The following PIK3C2G variants were observed in gnomAD, a reference collection of about 807,000 sequenced individuals.
PIK3C2G encodes the protein phosphatidylinositol-4-phosphate 3-kinase catalytic subunit type 2 gamma, also known as phosphatidylinositol 3-kinase C2 domain-containing subunit gamma.
In PIK3C2G, 168 loss-of-function variants were observed where a neutral mutation model predicts 181.1. The ratio of observed to expected loss-of-function variants is 0.93; its 90% CI spans 0.82 to 1.05. PIK3C2G has a LOEUF of 1.05. Among genes scored for constraint, PIK3C2G ranks in the 50% least tolerant of loss-of-function variants. The probability of loss-of-function intolerance (pLI) is 0.00; values close to 1 mark genes in which losing one functional copy is unlikely to be tolerated. For missense variants in PIK3C2G, 1,869 were observed against 1,732.8 expected (o/e 1.08, Z -1.40); for synonymous variants, 573 against 592.2 (o/e 0.97, Z 0.47).
chr12:18,713,292 T>C, the PIK3C2G span, among the ~76,000 whole-genome samples: 1 of 152,170 alleles, frequency 6.6e-6, no homozygotes, highest in African/African-American at 2.4e-5. Context: ...TCCATAGTTG[T>C]AGCTCTGAAA....
intron 13 of PIK3C2G, among the ~76,000 whole-genome samples, chr12:18,377,803 T>G (rs184863298): frequency 2.0e-5 from 3 of 152,344 alleles, no homozygotes; most frequent in Admixed American, 6.5e-5. Flanking sequence ...TGCCTGGTCT[T>G]ATATATGGCT....
the PIK3C2G span, among the ~76,000 whole-genome samples, chr12:18,698,740 G>A: frequency 1.3e-5 from 2 of 152,088 alleles, no homozygotes; most frequent in African/African-American, 4.8e-5. Flanking sequence ...GATAAGTGGT[G>A]TATCCATCAC....
chr12:18,462,281 A>G (rs189032823), intron 18 of PIK3C2G, among the ~76,000 whole-genome samples: 179 of 152,308 alleles, frequency 1.2e-3, no homozygotes, highest in African/African-American at 4.0e-3. Context: ...TTTAATTCCA[A>G]TATTAAAGTA....
chr12:18,375,932 A>G (rs934647654), intron 13 of PIK3C2G, among the ~76,000 whole-genome samples: 2 of 152,244 alleles, frequency 1.3e-5, no homozygotes, highest in African/African-American at 4.8e-5. Flanking sequence ...TTAAGCCTGC[A>G]AGCACACAGA....
chr12:18,719,468 G>T, the PIK3C2G span: 2 of 1,559,570 alleles, frequency 1.3e-6, no homozygotes, highest in South Asian at 1.2e-5. Context: ...CCCAATAATT[G>T]ATCAGATACC....
At chr12:18,666,662 G>C in the PIK3C2G span, among the ~76,000 whole-genome samples, 1 of 152,092 alleles carries the variant, frequency 6.6e-6, no homozygotes, top group Non-Finnish European at 1.5e-5. Context: ...AGTACTAGAC[G>C]AAAGACAGAG....
chr12:18,350,341 ATTGT>A (rs1195243180), intron 11 of PIK3C2G, among the ~76,000 whole-genome samples: 6 of 152,184 alleles, frequency 3.9e-5, no homozygotes, highest in Non-Finnish European at 8.8e-5. Context: ...GTATGGTATC[ATTGT>A]TTGATAAATA....
intron 31 of PIK3C2G, among the ~76,000 whole-genome samples, chr12:18,633,625 G>A (rs1457132653): frequency 6.6e-6 from 1 of 152,136 alleles, no homozygotes; most frequent in African/African-American, 2.4e-5. Context: ...ATGATCGCCT[G>A]TACTCCAGAA....
At chr12:18,723,691 C>A in the PIK3C2G span, 2 of 749,846 alleles carry the variant, frequency 2.7e-6, no homozygotes, top group Non-Finnish European at 4.3e-6. Flanking sequence ...ATATACAAAG[C>A]TGCATGGAGT....
the PIK3C2G span, chr12:18,685,626 C>T: frequency 4.3e-5 from 22 of 516,244 alleles, 1 homozygote; most frequent in African/African-American, 1.7e-4. Context: ...AACTAATTGG[C>T]TCATGCTGGA....
chr12:18,565,972 T>G (rs897053258), intron 28 of PIK3C2G, among the ~76,000 whole-genome samples: 1 of 152,214 alleles, frequency 6.6e-6, no homozygotes, highest in African/African-American at 2.4e-5. Flanking sequence ...CTATCTTCTA[T>G]GCTATATGCT....
chr12:18,661,971 C>G, the PIK3C2G span, among the ~76,000 whole-genome samples: 168 of 152,170 alleles, frequency 1.1e-3, no homozygotes, highest in Middle Eastern at 6.8e-3. Context: ...TTTGCAGAAA[C>G]ATGAATGGAG....
At chr12:18,630,841 C>G (rs1591712361) in intron 31 of PIK3C2G, among the ~76,000 whole-genome samples, 2 of 151,908 alleles carry the variant, frequency 1.3e-5, no homozygotes, top group Non-Finnish European at 2.9e-5. Context: ...TTCAACCTAC[C>G]ATGAGTAAGG....
At chr12:18,257,624 G>A (rs145786506), upstream of PIK3C2G, among the ~76,000 whole-genome samples, 88 of 150,184 alleles carry the variant, frequency 5.9e-4, 1 homozygote, top group South Asian at 2.5e-3. Flanking sequence ...GCCAGTACAC[G>A]AGAGGGAAAG....
intron 29 of PIK3C2G, among the ~76,000 whole-genome samples, chr12:18,580,655 T>G (rs1285291378): frequency 6.6e-6 from 1 of 152,218 alleles, no homozygotes; most frequent in Non-Finnish European, 1.5e-5. Context: ...TCTTTAAAAG[T>G]TCACTATTCT....
intron 15 of PIK3C2G, among the ~76,000 whole-genome samples, chr12:18,399,068 G>A (rs1273908859): frequency 2.7e-5 from 4 of 149,746 alleles, no homozygotes; most frequent in African/African-American, 2.4e-5. Flanking sequence ...AGTGGCGGGC[G>A]CCTGTAGTCC....
At chr12:18,344,203 C>A (rs192513812) in intron 10 of PIK3C2G, among the ~76,000 whole-genome samples, 1 of 152,234 alleles carries the variant, frequency 6.6e-6, no homozygotes, top group East Asian at 1.9e-4. Flanking sequence ...GTTCAACTAA[C>A]CCCTGGATTC....
At chr12:18,546,192 A>G (rs1218352961) in intron 25 of PIK3C2G, 131 bp from the exon 26 acceptor site, 6 of 617,144 alleles carry the variant, frequency 9.7e-6, no homozygotes, top group Admixed American at 8.2e-5. Context: ...GCATTCGTGT[A>G]TATAAACTGA....
At chr12:18,599,315 G>T (rs897051438) in intron 30 of PIK3C2G, among the ~76,000 whole-genome samples, 8 of 151,868 alleles carry the variant, frequency 5.3e-5, no homozygotes, top group African/African-American at 1.9e-4. Context: ...ATACTATGCA[G>T]CCATAAAAAA....
Sources: gnomAD v4.1 joint callset for allele counts (sites outside exome capture counted in the v4.1 genomes callset) on GRCh38, gnomAD v4.1.1 for gene constraint, MANE v1.5 for transcripts, NCBI Gene and HGNC (gene_info 2026-07-23, HGNC 2026-07-21) for gene names.